WDFY4: variants seen among roughly 807,000 people sequenced by gnomAD.
WDFY4 encodes the protein WDFY family member 4.
In WDFY4, 169 loss-of-function variants were observed where a neutral mutation model predicts 351.9. The ratio of observed to expected loss-of-function variants is 0.48; its 90% CI spans 0.42 to 0.55. The LOEUF (loss-of-function observed/expected upper bound fraction) is 0.55. WDFY4 is among the 20% of genes least tolerant of loss of function. The pLI is 0.00. For missense variants in WDFY4, 3,803 were observed against 3,935.6 expected, an observed-to-expected ratio of 0.97 and a Z score of 0.90; for synonymous variants, 1,622 against 1,574.6, an observed-to-expected ratio of 1.03 and a Z score of -0.71.
chr10:48,912,057 G>GA (rs749252401), intron 47 of WDFY4, among the ~76,000 whole-genome samples: 1 of 152,156 alleles, frequency 6.6e-6, no homozygotes. Context: ...AGTCCTGGGG[G>GA]AAAAAAGCCT....
chr10:48,787,932 T>C (rs1030930726), intron 20 of WDFY4, among the ~76,000 whole-genome samples: 6 of 93,278 alleles, frequency 6.4e-5, no homozygotes, highest in South Asian at 8.2e-4. Flanking sequence ...TTCTTCTTCT[T>C]CTTCTTCTTC....
At chr10:48,813,712 G>T (rs1438811995) in intron 30 of WDFY4, among the ~76,000 whole-genome samples, 2 of 152,190 alleles carry the variant, frequency 1.3e-5, no homozygotes, top group Non-Finnish European at 2.9e-5. Flanking sequence ...TATGATGTCA[G>T]ACCAAAATAA....
At position 48,786,684 on chromosome 10, in the gene WDFY4, C is replaced by A. The variant is rs757642842; in HGVS notation, c.3622C>A (p.Pro1208Thr). 5.2e-6 allele frequency: 8 copies of A among 1,552,014 alleles called. No individual in the cohort carries two copies. In the African/African-American group the frequency reaches 1.1e-4, roughly 21 times the overall value. Residue 1208 changes from proline (P) to threonine (T), a missense_variant, in exon 20 of 62, where the codon CCA becomes ACA. Transcript: ENST00000325239. ...ACCAGGGCCTTTCCTTTCTATGGATCCATCCGCATTTGTGGATGTTTATGG... is the reference window on the plus strand; with the variant it reads ...ACCAGGGCCTTTCCTTTCTATGGATACATCCGCATTTGTGGATGTTTATGG... ...ALPGPFLSMD[P>T]SAFVDVYGYI...
At chr10:48,840,425 TACACAC>T (rs10637501) in intron 39 of WDFY4, among the ~76,000 whole-genome samples, 1,583 of 145,724 alleles carry the variant, frequency 0.011, 28 homozygotes, top group African/African-American at 0.038. Flanking sequence ...CACATACACA[TACACAC>T]ACACACACAC....
chr10:48,831,070 G>A (rs2068173287), intron 38 of WDFY4, among the ~76,000 whole-genome samples, 185 bp downstream of exon 38: 1 of 152,130 alleles, frequency 6.6e-6, no homozygotes, highest in South Asian at 2.1e-4. Flanking sequence ...ATATCACATG[G>A]CACCTTGGGT....
At chr10:48,756,500 C>T (rs995807415) in intron 12 of WDFY4, among the ~76,000 whole-genome samples, 2 of 151,848 alleles carry the variant, frequency 1.3e-5, no homozygotes, top group Non-Finnish European at 2.9e-5. Flanking sequence ...CCATATGTTC[C>T]AGTATTACAT....
chr10:48,749,800 A>C (rs1394112660), intron 12 of WDFY4, among the ~76,000 whole-genome samples: 2 of 152,140 alleles, frequency 1.3e-5, no homozygotes, highest in Non-Finnish European at 2.9e-5. Context: ...TATAGCTCTG[A>C]GAAAAGCCCC....
intron 12 of WDFY4, among the ~76,000 whole-genome samples, chr10:48,759,798 A>T (rs572568494): frequency 6.6e-6 from 1 of 152,332 alleles, no homozygotes; most frequent in Non-Finnish European, 1.5e-5. Flanking sequence ...GGGGAAGCCC[A>T]GAAAGCTCAC....
intron 24 of WDFY4, among the ~76,000 whole-genome samples, chr10:48,799,628 G>A (rs1019231254): frequency 6.6e-6 from 1 of 152,020 alleles, no homozygotes; most frequent in Non-Finnish European, 1.5e-5. Context: ...CAAAAATTAG[G>A]TGGGCATAGT....
Position 48,943,588 on chromosome 10 carries a change from G to A in WDFY4, c.7749+139G>A. 2.3e-6 allele frequency: 2 copies of A among 887,328 alleles called. 1 individual carries two copies. The highest frequency in any genetic ancestry group is 5.9e-5 in the East Asian group (2 of 34,046). The allele number at this position is 887,328 out of a possible 1,614,324, so 55.0% of individuals were successfully genotyped here. A position where few individuals can be genotyped will look rare whatever the true frequency, so the allele number is the denominator to read the frequency against. On this transcript the variant is annotated intron_variant, in intron 49 of 61. Coordinates refer to ENST00000325239, the MANE Select transcript of WDFY4 (RefSeq NM_001394531.1). ...GTACCTGGGCCTAAAGGCTGCTGAAGCTCAGATCTCTTTTTTTTTTTTGAG... is the reference window on the plus strand; with the variant it reads ...GTACCTGGGCCTAAAGGCTGCTGAAACTCAGATCTCTTTTTTTTTTTTGAG...
In WDFY4 at chr10:48,981,396, A is replaced by G; in HGVS notation, c.9406A>G (p.Ser3136Gly). Residue 3136 changes from serine to glycine, a missense_variant, in exon 61 of 62, where the codon AGT (serine) becomes GGT (glycine). Coordinates refer to ENST00000325239, the MANE Select transcript of WDFY4 (RefSeq NM_001394531.1). Reference sequence around the variant, plus strand: ...CAAGTGGGAGAAGAACCTGGCCTTGAGTCGAGAGCTGGACGTTAGCATTGC... The same window carrying G: ...CAAGTGGGAGAAGAACCTGGCCTTGGGTCGAGAGCTGGACGTTAGCATTGC... ...GHKWEKNLAL[S>G]RELDVSIALT... The G allele has an allele frequency of 2.6e-6, 4 of 1,551,774 alleles. No individual in the cohort carries two copies. Among genetic ancestry groups the G allele is most frequent in the Non-Finnish European group, 3.5e-6 (4 of 1,147,006 alleles).
At chr10:48,832,516 T>A in intron 38 of WDFY4, 57 bp from the exon 39 acceptor site, 2 of 1,461,678 alleles carry the variant, frequency 1.4e-6, no homozygotes, top group Non-Finnish European at 1.8e-6. Flanking sequence ...AAGCTAGCTA[T>A]AAAAATAGTG....
At chr10:48,707,159 A>T (rs1352838860) in intron 1 of WDFY4, among the ~76,000 whole-genome samples, 1 of 152,230 alleles carries the variant, frequency 6.6e-6, no homozygotes, top group Non-Finnish European at 1.5e-5. Flanking sequence ...GCTAACAGGC[A>T]TGTAAAGGGA....
chr10:48,789,939 G>C lies in WDFY4; in HGVS notation c.4020G>C (p.Leu1340=), dbSNP rs144333764. 1 of 1,552,410 alleles carries C rather than the reference G, an allele frequency of 6.4e-7. No homozygotes were observed. The highest frequency in any genetic ancestry group is 8.7e-7 in the Non-Finnish European group (1 of 1,147,152). Residue 1340 remains leucine (L), a synonymous_variant, in exon 22 of 62, where the codon CTG becomes CTC. Transcript: ENST00000325239. ...TGCTGAGGAATTGTGCTGGCCACCT[G>C]TCAGGGTCTCTGCGGACCATTGGAG... ...VFLLRNCAGH[L]SGSLRTIGAV...
At position 48,821,150 on chromosome 10, in the gene WDFY4, G is replaced by A; in HGVS notation, c.5798G>A (p.Ser1933Asn). ...LSAMELFHMTSGGDAAMFRDG... is the reference protein window; with the variant it reads ...LSAMELFHMTNGGDAAMFRDG... ...GCTATGGAACTATTCCACATGACAAGTGGAGGTGATGCAGCGATGTTCAGA... is the reference window on the plus strand; with the variant it reads ...GCTATGGAACTATTCCACATGACAAATGGAGGTGATGCAGCGATGTTCAGA... Residue 1933 changes from serine to asparagine, a missense_variant, in exon 34 of 62, where the codon AGT becomes AAT. Coordinates refer to ENST00000325239, the MANE Select transcript of WDFY4 (RefSeq NM_001394531.1). The A allele has an allele frequency of 6.4e-7, 1 of 1,551,674 alleles. No individual in the cohort carries two copies. The highest frequency in any genetic ancestry group is 8.7e-7 in the Non-Finnish European group (1 of 1,146,928).
chr10:48,787,891 C>CTTCTTTCTT (rs1334393471), intron 20 of WDFY4, among the ~76,000 whole-genome samples: 1 of 66,770 alleles, frequency 1.5e-5, no homozygotes, highest in African/African-American at 1.0e-4. Flanking sequence ...TCTTCTTCTT[C>CTTCTTTCTT]TCCTTCTTCT....
chr10:48,952,901 C>A (rs1841398260), intron 51 of WDFY4, among the ~76,000 whole-genome samples: 2 of 152,304 alleles, frequency 1.3e-5, no homozygotes, highest in South Asian at 4.1e-4. Context: ...CTTTTTCCTG[C>A]AGAGGCTCAG....
chr10:48,864,724 T>G (rs1389168348), intron 39 of WDFY4, among the ~76,000 whole-genome samples: 1 of 152,244 alleles, frequency 6.6e-6, no homozygotes, highest in East Asian at 1.9e-4. Context: ...ATGGGATATC[T>G]TCTATTAATT....
intron 13 of WDFY4, among the ~76,000 whole-genome samples, chr10:48,770,132 A>G (rs138978335): frequency 1.9e-3 from 286 of 152,358 alleles, no homozygotes; most frequent in Middle Eastern, 0.017. Context: ...AAACAAGGCA[A>G]TATTGGTATT....
Sources: allele counts gnomAD v4.1 joint callset (sites outside exome capture counted in the v4.1 genomes callset), GRCh38; gene constraint gnomAD v4.1.1; transcripts MANE v1.5; gene names NCBI Gene and HGNC (gene_info 2026-07-23, HGNC 2026-07-21).